Variants in AVL9 observed in about 807,000 individuals in gnomAD.
AVL9 encodes the protein AVL9 cell migration associated, also known as late secretory pathway protein AVL9 homolog.
A neutral mutation model predicts 79.2 loss-of-function variants in AVL9; 49 were observed. The ratio of observed to expected loss-of-function variants is 0.62; its 90% confidence interval spans 0.49 to 0.79. AVL9 has a LOEUF of 0.79. AVL9 is among the 30% of genes least tolerant of loss of function. The pLI, the probability that AVL9 is intolerant of heterozygous loss-of-function variation, is 0.00. For synonymous variants in AVL9, 299 were observed against 280.6 expected (o/e 1.07, Z -0.65); for missense variants, 682 against 776.8 (o/e 0.88, Z 1.45).
chr7:32,551,984 G>C (rs1789850177), intron 5 of AVL9, among the ~76,000 whole-genome samples: 1 of 143,926 alleles, frequency 6.9e-6, no homozygotes, highest in African/African-American at 2.6e-5. Flanking sequence ...AAATGTAGAG[G>C]GAGAAAGGAA....
rs201934243 is a variant in AVL9, at chr7:32,544,795, G to A, written c.300+16G>A. 1.6e-5 allele frequency: 25 copies of A among 1,594,364 alleles called. 1 individual carries two copies. The South Asian group carries it at 1.7e-4, about 11-fold the overall frequency. On this transcript the variant is annotated intron_variant, in intron 3 of 15. Coordinates refer to ENST00000318709, the MANE Select transcript of AVL9 (RefSeq NM_015060.3). ...TGAAGCCAAGGTACGATAGTTAATA[G>A]TGAAAAACAATTCCAAAGTCCCTTC...
chr7:32,561,322 T>A lies in AVL9; in HGVS notation c.1215+1858T>A, dbSNP rs553126104. Among the ~76,000 whole-genome samples the A allele has an allele frequency of 2.0e-5, 3 of 152,406 alleles. No individual in the cohort carries two copies. In the South Asian group the frequency reaches 6.2e-4, roughly 32 times the overall value. ...CAAAATCTGTAATCACCTTCATCAA[T>A]GACCTTAGCTAGATCTTCTGAATAA... On this transcript the variant is annotated intron_variant, in intron 10 of 15. Transcript: ENST00000318709.
chr7:32,501,028 T>G (rs1399945341), intron 1 of AVL9, among the ~76,000 whole-genome samples: 1 of 152,212 alleles, frequency 6.6e-6, no homozygotes, highest in Non-Finnish European at 1.5e-5. Flanking sequence ...CACCAGTGAG[T>G]AAAGCAACCA....
intron 5 of AVL9, 53 bp downstream of exon 5, chr7:32,551,476 C>A: frequency 1.0e-6 from 1 of 1,002,602 alleles, no homozygotes; most frequent in Admixed American, 2.0e-5. Context: ...ACTCATGAAT[C>A]AAGTAAATAT....
In AVL9 at chr7:32,551,699, C is replaced by A. The variant is rs545987477; in HGVS notation, c.462+276C>A. ...GTGGATAATAGCCCTTTTGCTATGG[C>A]ATTGCTTCTGTAAATTTGCTTATCT... On this transcript the variant is annotated intron_variant, in intron 5 of 15. Transcript: ENST00000318709. 7.4e-5 allele frequency among the ~76,000 whole-genome samples: 10 copies of A among 135,504 alleles called. No individual in the cohort carries two copies. In the East Asian group the frequency reaches 2.3e-3, roughly 32 times the overall value. 88.9% of individuals were successfully genotyped at this position (135,504 alleles called of 152,430 possible).
At chr7:32,549,208 ATT>A (rs927528398) in intron 4 of AVL9, among the ~76,000 whole-genome samples, 7 of 26,466 alleles carry the variant, frequency 2.6e-4, no homozygotes, top group African/African-American at 5.9e-4. Flanking sequence ...AAAAAAAAAA[ATT>A]TTATATATAT....
chr7:32,502,439 T>C (rs890912787), intron 1 of AVL9, among the ~76,000 whole-genome samples: 5 of 150,900 alleles, frequency 3.3e-5, no homozygotes, highest in African/African-American at 1.2e-4. Flanking sequence ...CATAATCATG[T>C]TTCATGGCCT....
At chr7:32,549,211 TTATA>T (rs3079798) in intron 4 of AVL9, among the ~76,000 whole-genome samples, 70,859 of 142,228 alleles carry the variant, frequency 0.5, 18,977 homozygotes, top group Admixed American at 0.65. Flanking sequence ...AAAAAAAATT[TTATA>T]TATATATATA....
chr7:32,551,248 G>C, intron 4 of AVL9, 86 bp from the exon 5 acceptor site: 3 of 832,882 alleles, frequency 3.6e-6, no homozygotes, highest in Non-Finnish European at 5.9e-6. Context: ...AAAGTTGTGG[G>C]GTTCTGTTTG....
At chr7:32,519,694 G>C (rs907569252) in intron 1 of AVL9, among the ~76,000 whole-genome samples, 2 of 152,026 alleles carry the variant, frequency 1.3e-5, no homozygotes, top group African/African-American at 4.8e-5. Flanking sequence ...TTTTTTCCTA[G>C]TTAAGAGGCT....
intron 15 of AVL9, among the ~76,000 whole-genome samples, chr7:32,582,127 G>T (rs1370190986): frequency 6.6e-6 from 1 of 151,822 alleles, no homozygotes; most frequent in African/African-American, 2.4e-5. Context: ...TTTTTATTTT[G>T]ATGTAGTTTC....
chr7:32,574,879 C>CA (rs1294184057), intron 12 of AVL9, among the ~76,000 whole-genome samples: 4 of 152,250 alleles, frequency 2.6e-5, no homozygotes, highest in Non-Finnish European at 5.9e-5. Context: ...CTGTGTATCT[C>CA]ATTCATTTCC....
intron 12 of AVL9, 138 bp from the exon 13 acceptor site, chr7:32,575,817 G>A (rs1791067661): frequency 1.6e-6 from 1 of 612,864 alleles, no homozygotes. Flanking sequence ...CAAGTTTCCT[G>A]ACATCTGGTA....
At chr7:32,551,870 C>G (rs1261399744) in intron 5 of AVL9, among the ~76,000 whole-genome samples, 5 of 152,122 alleles carry the variant, frequency 3.3e-5, no homozygotes, top group Non-Finnish European at 5.9e-5. Context: ...GAATATGGAT[C>G]TCTCTTGGAT....
chr7:32,508,721 T>A (rs1335710814), intron 1 of AVL9, among the ~76,000 whole-genome samples: 1 of 152,250 alleles, frequency 6.6e-6, no homozygotes, highest in African/African-American at 2.4e-5. Context: ...AAGACCACTT[T>A]ATTGAATATA....
At position 32,580,142 on chromosome 7, in the gene AVL9, A is replaced by G. The variant is rs539463300; in HGVS notation, c.1689-77A>G. 4 of 1,153,464 alleles carry G rather than the reference A, an allele frequency of 3.5e-6. No homozygotes were observed. The South Asian group carries it at 3.9e-5, about 11-fold the overall frequency. The allele number at this position is 1,153,464 out of a possible 1,614,324, so 71.5% of individuals were successfully genotyped here. A position where few individuals can be genotyped will look rare whatever the true frequency, so the allele number is the denominator to read the frequency against. On this transcript the variant is annotated intron_variant, in intron 13 of 15. Transcript: ENST00000318709. Reference sequence around the variant, plus strand: ...CTGTGTTGTCCATGAGAAGTTTACTAATATTTTCTTGTGATAACTCTTTTT... The same window carrying G: ...CTGTGTTGTCCATGAGAAGTTTACTGATATTTTCTTGTGATAACTCTTTTT...
At chr7:32,541,370 A>AT (rs1789200116) in intron 1 of AVL9, among the ~76,000 whole-genome samples, 4 of 152,120 alleles carry the variant, frequency 2.6e-5, no homozygotes, top group Non-Finnish European at 5.9e-5. Context: ...AAATTTAATG[A>AT]TTTTCAAAAA....
chr7:32,501,524 T>G, intron 1 of AVL9, among the ~76,000 whole-genome samples: 1 of 152,210 alleles, frequency 6.6e-6, no homozygotes, highest in East Asian at 1.9e-4. Context: ...CCATGCTTTT[T>G]GTATATGCTG....
At chr7:32,562,498 T>A (rs1790372574) in intron 10 of AVL9, 1 of 383,602 alleles carries the variant, frequency 2.6e-6, no homozygotes, top group African/African-American at 2.2e-5. Context: ...AGAATGTATT[T>A]GAAATTTTTT....
Sources: allele counts gnomAD v4.1 joint callset (sites outside exome capture counted in the v4.1 genomes callset), GRCh38; gene constraint gnomAD v4.1.1; transcripts MANE v1.5; gene names NCBI Gene and HGNC (gene_info 2026-07-23, HGNC 2026-07-21).